The following NALF1 variants were observed in gnomAD, a reference collection of about 807,000 sequenced individuals.
NALF1 encodes NALCN channel auxiliary factor 1, also known as family with sequence similarity 155 member A.
NALF1 carries 3 observed loss-of-function variants against 48.4 expected under a neutral mutation model. That is an observed-to-expected ratio of 0.06 (90% CI 0.03 to 0.16). The LOEUF (loss-of-function observed/expected upper bound fraction) is 0.16, where lower values mean the gene tolerates loss of function less well. NALF1 is among the 10% of genes least tolerant of loss of function. The pLI is 1.00. For missense variants in NALF1, 526 were observed against 571.5 expected, an observed-to-expected ratio of 0.92 and a Z score of 0.81; for synonymous variants, 262 against 245.7, an observed-to-expected ratio of 1.07 and a Z score of -0.62.
At chr13:107,497,788 C>T (rs554008773) in intron 1 of NALF1, among the ~76,000 whole-genome samples, 12 of 152,288 alleles carry the variant, frequency 7.9e-5, no homozygotes, top group Non-Finnish European at 1.3e-4. Flanking sequence ...ACTTCATATG[C>T]TTACAGCTCC....
intron 1 of NALF1, among the ~76,000 whole-genome samples, chr13:107,576,601 T>C (rs544747370): frequency 6.6e-6 from 1 of 152,264 alleles, no homozygotes; most frequent in Admixed American, 6.5e-5. Flanking sequence ...GTGGGTCACA[T>C]ACATATGGGT....
At chr13:107,215,090 C>A (rs1879843448) in intron 1 of NALF1, among the ~76,000 whole-genome samples, 1 of 152,028 alleles carries the variant, frequency 6.6e-6, no homozygotes, top group Non-Finnish European at 1.5e-5. Context: ...GGGTGGAAAG[C>A]CTTAGAGACC....
intron 1 of NALF1, among the ~76,000 whole-genome samples, chr13:107,862,439 T>C (rs2138651170): frequency 6.6e-6 from 1 of 152,256 alleles, no homozygotes; most frequent in Admixed American, 6.5e-5. Context: ...ATCAAAAACA[T>C]TGTTTTAAAT....
At position 107,298,077 on chromosome 13, in the gene NALF1, T is replaced by C. The variant is rs77366991; in HGVS notation, c.916-87322A>G. 6.0e-4 allele frequency among the ~76,000 whole-genome samples: 92 copies of C among 152,194 alleles called. 1 individual carries two copies. The East Asian group carries it at 0.017, about 29-fold the overall frequency. On this transcript the variant is annotated intron_variant, in intron 1 of 2. Transcript: ENST00000375915. Reference sequence around the variant, plus strand: ...GCAAATTTAATAGATCAGGCTTTTATTGTAATGTGTCAAGAAATACACACA... The same window carrying C: ...GCAAATTTAATAGATCAGGCTTTTACTGTAATGTGTCAAGAAATACACACA...
At chr13:107,224,151 C>G (rs1220869766) in intron 1 of NALF1, among the ~76,000 whole-genome samples, 2 of 151,814 alleles carry the variant, frequency 1.3e-5, no homozygotes, top group African/African-American at 2.4e-5. Context: ...GAAGGTGCAG[C>G]TTTGGAGCAG....
intron 1 of NALF1, among the ~76,000 whole-genome samples, chr13:107,250,439 G>A (rs1312302793): frequency 5.3e-5 from 8 of 151,960 alleles, no homozygotes; most frequent in Non-Finnish European, 1.5e-5. Context: ...AGGTATTAGA[G>A]AAGAGCCTGC....
At chr13:107,576,298 C>G (rs1878146677) in intron 1 of NALF1, among the ~76,000 whole-genome samples, 7 of 152,188 alleles carry the variant, frequency 4.6e-5, no homozygotes, top group Admixed American at 4.6e-4. Context: ...AACATCCTTC[C>G]TTCCCAGCTT....
At chr13:107,862,210 A>G (rs916370978) in intron 1 of NALF1, among the ~76,000 whole-genome samples, 3 of 152,192 alleles carry the variant, frequency 2.0e-5, no homozygotes, top group African/African-American at 7.2e-5. Flanking sequence ...GTTTGTCTGT[A>G]AAATAAAAGT....
rs71121563 is a variant in NALF1 at position 107,867,304 on chromosome 13, TGCC to T, written c.-711_-709del. Among the ~76,000 whole-genome samples the T allele has an allele frequency of 0.4, 40,951 of 103,124 alleles. 9,277 individuals carry two copies. The highest frequency in any genetic ancestry group is 0.62 in the East Asian group (1,737 of 2,782). The allele number at this position is 103,124 out of a possible 152,430, so 67.7% of individuals were successfully genotyped here. On this transcript the variant is annotated 5_prime_UTR_variant, in exon 1 of 3. Coordinates refer to ENST00000375915, the MANE Select transcript of NALF1 (RefSeq NM_001080396.3). The surrounding 1 kb of genome is among the most constrained non-coding windows in gnomAD (Gnocchi z 4.4). ...ACCCCCCACCCCGCGCTCTAAGTGC[TGCC>T]GCCGCCGCCGCCGCCGCCGCCGCTG...
chr13:107,548,923 T>C (rs976359118), intron 1 of NALF1, among the ~76,000 whole-genome samples: 3 of 152,166 alleles, frequency 2.0e-5, no homozygotes, highest in Non-Finnish European at 2.9e-5. Flanking sequence ...ATGCAGTTTC[T>C]GGGTGAGAAA....
chr13:107,678,013 G>A (rs1881177003), intron 1 of NALF1, among the ~76,000 whole-genome samples: 1 of 152,108 alleles, frequency 6.6e-6, no homozygotes, highest in Admixed American at 6.6e-5. Flanking sequence ...TAAAGCCATG[G>A]CCCAAAATCT....
intron 1 of NALF1, among the ~76,000 whole-genome samples, chr13:107,384,920 C>T (rs1225806109): frequency 6.6e-6 from 1 of 152,208 alleles, no homozygotes; most frequent in Non-Finnish European, 1.5e-5. Flanking sequence ...GAGTTAAAAG[C>T]TCAGATCCAC....
chr13:107,214,189 G>A (rs1423008843), intron 1 of NALF1, among the ~76,000 whole-genome samples: 7 of 152,298 alleles, frequency 4.6e-5, no homozygotes, highest in African/African-American at 1.7e-4. Context: ...ACTTCCCAAC[G>A]TCTTTCTAGA....
intron 1 of NALF1, among the ~76,000 whole-genome samples, chr13:107,351,563 T>C (rs1418164171): frequency 6.6e-6 from 1 of 152,176 alleles, no homozygotes; most frequent in Non-Finnish European, 1.5e-5. Context: ...CGACAACAAC[T>C]CTGGCTTTGA....
chr13:107,729,677 C>T (rs1163562650), intron 1 of NALF1, among the ~76,000 whole-genome samples: 2 of 152,084 alleles, frequency 1.3e-5, no homozygotes, highest in African/African-American at 4.8e-5. Flanking sequence ...CGGGGTTTCA[C>T]CATGTTGGTC....
intron 1 of NALF1, among the ~76,000 whole-genome samples, chr13:107,454,878 G>A (rs1270139817): frequency 6.6e-6 from 1 of 152,090 alleles, no homozygotes; most frequent in Non-Finnish European, 1.5e-5. Context: ...CATGACTACT[G>A]TGGTTACTAT....
At chr13:107,776,077 G>T (rs1877722465) in intron 1 of NALF1, among the ~76,000 whole-genome samples, 1 of 152,176 alleles carries the variant, frequency 6.6e-6, no homozygotes, top group Non-Finnish European at 1.5e-5. Context: ...ATGGCCAACA[G>T]CTGTAGCTTT....
intron 1 of NALF1, among the ~76,000 whole-genome samples, chr13:107,669,062 T>C (rs1880928924): frequency 6.6e-6 from 1 of 152,144 alleles, no homozygotes; most frequent in Non-Finnish European, 1.5e-5. Context: ...AATACTGATA[T>C]TAAGCTTTTT....
At chr13:107,599,821 A>G (rs1878872589) in intron 1 of NALF1, among the ~76,000 whole-genome samples, 1 of 152,192 alleles carries the variant, frequency 6.6e-6, no homozygotes, top group Admixed American at 6.5e-5. Context: ...TGTATAGAGT[A>G]TGTTAGGGTA....
Sources: allele counts gnomAD v4.1 joint callset (sites outside exome capture counted in the v4.1 genomes callset), GRCh38; gene constraint gnomAD v4.1.1; non-coding constraint Gnocchi (gnomAD v3.1); transcripts MANE v1.5; gene names NCBI Gene and HGNC (gene_info 2026-07-23, HGNC 2026-07-21).